Variants in BLTP3B observed in about 807,000 individuals in gnomAD.
The protein encoded by BLTP3B is UHRF1 (ICBP90) binding protein 1-like.
chr12:100,136,380 G>A, the BLTP3B span, among the ~76,000 whole-genome samples: 1 of 151,782 alleles, frequency 6.6e-6, no homozygotes, highest in African/African-American at 2.4e-5. Context: ...CAGACAAGTA[G>A]TCCAATTTAG....
chr12:100,083,282 G>C, the BLTP3B span: 3 of 582,756 alleles, frequency 5.1e-6, no homozygotes, highest in Admixed American at 6.3e-5. Context: ...AAATTATAAA[G>C]TAATACAGGA....
chr12:100,140,729 A>AAAATATATATATAT, the BLTP3B span, among the ~76,000 whole-genome samples: 3 of 61,490 alleles, frequency 4.9e-5, no homozygotes, highest in African/African-American at 3.1e-4. Flanking sequence ...AAAAAAAAAA[A>AAAATATATATATAT]ATATATATAT....
At chr12:100,059,588 G>A in the BLTP3B span, 4 of 1,498,244 alleles carry the variant, frequency 2.7e-6, no homozygotes, top group Non-Finnish European at 3.6e-6. Flanking sequence ...ACATCTTGAA[G>A]ATAAAAGAAC....
chr12:100,132,394 G>A, the BLTP3B span, among the ~76,000 whole-genome samples: 1 of 152,158 alleles, frequency 6.6e-6, no homozygotes, highest in African/African-American at 2.4e-5. Context: ...GGTCATGGGG[G>A]CAGATTCTTC....
chr12:100,113,707 C>T, the BLTP3B span, among the ~76,000 whole-genome samples: 1 of 151,722 alleles, frequency 6.6e-6, no homozygotes, highest in African/African-American at 2.4e-5. Flanking sequence ...CCTCTAATCC[C>T]AGCACTTTGG....
At chr12:100,107,289 CAA>C in the BLTP3B span, among the ~76,000 whole-genome samples, 20 of 35,344 alleles carry the variant, frequency 5.7e-4, no homozygotes, top group South Asian at 1.3e-3. Context: ...CTCCATCTCC[CAA>C]AAAAAAAAAA....
chr12:100,089,777 A>G, the BLTP3B span, among the ~76,000 whole-genome samples: 3 of 152,178 alleles, frequency 2.0e-5, no homozygotes, highest in Non-Finnish European at 1.5e-5. Context: ...ACACTGTTAT[A>G]TATCTGATAT....
chr12:100,119,788 A>G, the BLTP3B span, among the ~76,000 whole-genome samples: 1 of 152,220 alleles, frequency 6.6e-6, no homozygotes. Context: ...CCCATAAACA[A>G]AAATTAACTC....
the BLTP3B span, chr12:100,051,586 C>T: frequency 6.1e-6 from 1 of 163,890 alleles, no homozygotes; most frequent in Non-Finnish European, 1.3e-5. Context: ...CTGTAGTCAG[C>T]TTCTAACATA....
chr12:100,061,397 C>T, the BLTP3B span, among the ~76,000 whole-genome samples: 19 of 152,264 alleles, frequency 1.2e-4, no homozygotes, highest in South Asian at 4.1e-4. Context: ...GTGGCTCACG[C>T]CTGTAATCCC....
the BLTP3B span, among the ~76,000 whole-genome samples, chr12:100,121,281 T>G: frequency 7.1e-6 from 1 of 140,598 alleles, no homozygotes; most frequent in South Asian, 2.3e-4. Flanking sequence ...ACCTGGGAGG[T>G]GGAGGTTGCA....
chr12:100,058,980 T>A, the BLTP3B span: 1 of 1,614,036 alleles, frequency 6.2e-7, no homozygotes, highest in Non-Finnish European at 8.5e-7. Context: ...CAAGAGCTTC[T>A]TCCGCTTCAA....
chr12:100,065,823 T>A, the BLTP3B span, among the ~76,000 whole-genome samples: 1 of 152,332 alleles, frequency 6.6e-6, no homozygotes, highest in East Asian at 1.9e-4. Flanking sequence ...CTCAAAAGCA[T>A]GTGATCTTTG....
the BLTP3B span, chr12:100,089,129 A>G: frequency 8.5e-6 from 12 of 1,414,022 alleles, no homozygotes; most frequent in Middle Eastern, 3.7e-4. Flanking sequence ...ATCACTGCCA[A>G]TTTAAATACT....
At chr12:100,122,407 T>A in the BLTP3B span, among the ~76,000 whole-genome samples, 1 of 152,180 alleles carries the variant, frequency 6.6e-6, no homozygotes, top group South Asian at 2.1e-4. Context: ...ATCAAACCTG[T>A]ACAATTTTAG....
At chr12:100,101,441 A>G in the BLTP3B span, among the ~76,000 whole-genome samples, 2 of 152,374 alleles carry the variant, frequency 1.3e-5, no homozygotes, top group African/African-American at 2.4e-5. Flanking sequence ...ATTGTTTTAC[A>G]TAACACCTAG....
At chr12:100,107,781 C>A in the BLTP3B span, among the ~76,000 whole-genome samples, 1 of 152,194 alleles carries the variant, frequency 6.6e-6, no homozygotes, top group African/African-American at 2.4e-5. Flanking sequence ...GTCACCCAGG[C>A]TGGAGTGCAG....
the BLTP3B span, among the ~76,000 whole-genome samples, chr12:100,078,191 T>C: frequency 6.6e-6 from 1 of 150,412 alleles, no homozygotes; most frequent in African/African-American, 2.5e-5. Flanking sequence ...CTCACAACAG[T>C]GAGTTCTCAT....
At chr12:100,042,317 T>C in the BLTP3B span, among the ~76,000 whole-genome samples, 3 of 150,978 alleles carry the variant, frequency 2.0e-5, no homozygotes, top group African/African-American at 7.3e-5. Flanking sequence ...CCCAAAAGAG[T>C]CAAAAAAAAA....
Sources: gnomAD v4.1 joint callset for allele counts (sites outside exome capture counted in the v4.1 genomes callset) on GRCh38, gnomAD v4.1.1 for gene constraint, MANE v1.5 for transcripts, NCBI Gene and HGNC (gene_info 2026-07-23, HGNC 2026-07-21) for gene names.